Variants in RTN1 observed in about 807,000 individuals in gnomAD.
RTN1 encodes the protein reticulon 1, also known as reticulon-1.
In RTN1, 25 loss-of-function variants were observed where a neutral mutation model predicts 65.5. The ratio of observed to expected loss-of-function variants is 0.38; its 90% confidence interval spans 0.28 to 0.53. RTN1 has a LOEUF of 0.53. RTN1 is among the 20% of genes least tolerant of loss of function. The pLI is 0.79. For missense variants in RTN1, 983 were observed against 1,025.4 expected, an observed-to-expected ratio of 0.96 and a Z score of 0.57; for synonymous variants, 471 against 447.6, an observed-to-expected ratio of 1.05 and a Z score of -0.66.
chr14:59,860,783 C>A lies in RTN1; in HGVS notation c.241+9607G>T, dbSNP rs183188310. The stretch of plus-strand genomic sequence containing the variant: ...ACCCACCTCCTGCATCAGTGAGACA[C>A]GGAGTCAAAGGAGATCATTTTGAAG... On this transcript the variant is annotated intron_variant, in intron 1 of 8. Coordinates refer to ENST00000267484, the MANE Select transcript of RTN1 (RefSeq NM_021136.3). 2.0e-5 allele frequency among the ~76,000 whole-genome samples: 3 copies of A among 152,260 alleles called. No homozygotes were observed. The East Asian group carries it at 5.8e-4, about 29-fold the overall frequency.
chr14:59,867,064 G>C (rs934064188), intron 1 of RTN1, among the ~76,000 whole-genome samples: 1 of 152,136 alleles, frequency 6.6e-6, no homozygotes, highest in African/African-American at 2.4e-5. Context: ...GATTTTTCCT[G>C]ACCATTCTCC....
chr14:59,725,150 T>C (rs1884730895), intron 3 of RTN1, among the ~76,000 whole-genome samples: 1 of 152,240 alleles, frequency 6.6e-6, no homozygotes, highest in Admixed American at 6.5e-5. Context: ...CATTCACAGC[T>C]GCAGTTTTCC....
chr14:59,670,704 C>T (rs1008262855), intron 3 of RTN1, among the ~76,000 whole-genome samples: 4 of 151,982 alleles, frequency 2.6e-5, no homozygotes, highest in Non-Finnish European at 5.9e-5. Context: ...TTCACTTGCT[C>T]GAAGATGAAA....
intron 3 of RTN1, among the ~76,000 whole-genome samples, chr14:59,637,358 T>C (rs1419288405): frequency 6.6e-6 from 1 of 152,220 alleles, no homozygotes; most frequent in Non-Finnish European, 1.5e-5. Flanking sequence ...TCTTTTGTTA[T>C]TTTCACCATA....
rs1368271242 is a variant in RTN1 at position 59,808,649 on chromosome 14, T to C, written c.241+61741A>G. Among the ~76,000 whole-genome samples the C allele has an allele frequency of 2.6e-5, 4 of 152,172 alleles. No homozygotes were observed. In the East Asian group the frequency reaches 7.7e-4, roughly 29 times the overall value. Reference sequence around the variant, plus strand: ...TCTGTGTCCCCACCCAAGTCTCATGTCAAATTGTAATCCTTAATGTTGGCA... The same window carrying C: ...TCTGTGTCCCCACCCAAGTCTCATGCCAAATTGTAATCCTTAATGTTGGCA... On this transcript the variant is annotated intron_variant, in intron 1 of 8. Transcript: ENST00000267484.
At chr14:59,645,112 C>T (rs933754636) in intron 3 of RTN1, among the ~76,000 whole-genome samples, 4 of 152,174 alleles carry the variant, frequency 2.6e-5, no homozygotes, top group Non-Finnish European at 5.9e-5. Flanking sequence ...CCTTATGGGT[C>T]CTGGACCCTA....
intron 3 of RTN1, among the ~76,000 whole-genome samples, chr14:59,683,824 G>C (rs1033305023): frequency 2.0e-5 from 3 of 152,046 alleles, no homozygotes; most frequent in African/African-American, 7.2e-5. Context: ...GAAAACTGGT[G>C]ATCCATCTAA....
chr14:59,785,894 G>C (rs537804015), intron 1 of RTN1, among the ~76,000 whole-genome samples: 2 of 152,278 alleles, frequency 1.3e-5, no homozygotes, highest in East Asian at 3.9e-4. Context: ...TCTTGAGAGA[G>C]TTTATCTCAG....
chr14:59,750,176 AT>A (rs1885433003), intron 1 of RTN1, among the ~76,000 whole-genome samples: 1 of 64,406 alleles, frequency 1.6e-5, no homozygotes, highest in Non-Finnish European at 2.5e-5. Flanking sequence ...TATATCTATA[AT>A]ATATAATACA....
intron 2 of RTN1, among the ~76,000 whole-genome samples, chr14:59,742,877 G>A (rs1328516366): frequency 6.6e-6 from 1 of 152,188 alleles, no homozygotes; most frequent in African/African-American, 2.4e-5. Context: ...GGGGTCATAA[G>A]AAGATGGGAA....
intron 1 of RTN1, among the ~76,000 whole-genome samples, chr14:59,840,751 C>T (rs947231969): frequency 6.6e-6 from 1 of 152,108 alleles, no homozygotes; most frequent in African/African-American, 2.4e-5. Flanking sequence ...AATATTTTCT[C>T]ATAATTAAAG....
At chr14:59,751,892 A>T (rs1238338600) in intron 1 of RTN1, among the ~76,000 whole-genome samples, 1 of 152,090 alleles carries the variant, frequency 6.6e-6, no homozygotes, top group African/African-American at 2.4e-5. Context: ...AGACCATGTG[A>T]ATTCCACCTG....
chr14:59,845,113 G>A (rs1035938586), intron 1 of RTN1, among the ~76,000 whole-genome samples: 11 of 152,098 alleles, frequency 7.2e-5, no homozygotes, highest in African/African-American at 1.4e-4. Context: ...TGCAGCAATC[G>A]AAAATTTAAA....
intron 2 of RTN1, among the ~76,000 whole-genome samples, chr14:59,733,812 G>T (rs1474869952): frequency 6.6e-6 from 1 of 152,164 alleles, no homozygotes; most frequent in Non-Finnish European, 1.5e-5. Flanking sequence ...TAGCCTGTGG[G>T]GCTTGGAAAG....
chr14:59,666,415 A>C (rs1180487978), intron 3 of RTN1, among the ~76,000 whole-genome samples: 1 of 152,216 alleles, frequency 6.6e-6, no homozygotes, highest in Non-Finnish European at 1.5e-5. Context: ...ACAATGTACC[A>C]GAATCTCTGG....
intron 3 of RTN1, among the ~76,000 whole-genome samples, chr14:59,689,541 C>A (rs904465162): frequency 3.3e-5 from 5 of 152,130 alleles, no homozygotes; most frequent in African/African-American, 1.2e-4. Context: ...AAGAAAAAAT[C>A]TTAAAGCCAG....
rs762680684 is a variant in RTN1, at chr14:59,610,084, T to C, written c.1766-2592A>G. ...GACAAAGAGAAGATAGAATTTGCTATTTTCAAGTGAATCCCCTCTGAATGA... is the reference window on the plus strand; with the variant it reads ...GACAAAGAGAAGATAGAATTTGCTACTTTCAAGTGAATCCCCTCTGAATGA... On this transcript the variant is annotated intron_variant, in intron 3 of 8. Transcript: ENST00000267484. The C allele has an allele frequency of 8.1e-5, 63 of 774,044 alleles. 1 individual carries two copies. The highest frequency in any genetic ancestry group is 7.9e-4 in the Admixed American group (46 of 58,366). The allele number at this position is 774,044 out of a possible 1,614,324, so 47.9% of individuals were successfully genotyped here. A position where few individuals can be genotyped will look rare whatever the true frequency, so the allele number is the denominator to read the frequency against.
intron 2 of RTN1, among the ~76,000 whole-genome samples, chr14:59,741,111 C>A (rs900675857): frequency 1.3e-5 from 2 of 152,200 alleles, no homozygotes; most frequent in Non-Finnish European, 2.9e-5. Flanking sequence ...CATGCAGCAT[C>A]CGGAAGGATC....
chr14:59,711,255 C>T (rs1048655024), intron 3 of RTN1, among the ~76,000 whole-genome samples: 2 of 152,204 alleles, frequency 1.3e-5, no homozygotes, highest in Non-Finnish European at 2.9e-5. Flanking sequence ...AGGCTGAACA[C>T]AGGCCCACAG....
Sources: allele counts gnomAD v4.1 joint callset (sites outside exome capture counted in the v4.1 genomes callset), GRCh38; gene constraint gnomAD v4.1.1; transcripts MANE v1.5; gene names NCBI Gene and HGNC (gene_info 2026-07-23, HGNC 2026-07-21).